Variants in NRCAM observed in about 807,000 individuals in gnomAD.
NRCAM encodes the protein neuronal cell adhesion molecule, also known as NgCAM-related cell adhesion molecule.
Under a neutral mutation model 156.5 loss-of-function variants are expected in NRCAM, and 83 were observed. That is an observed-to-expected ratio of 0.53 (90% CI 0.44 to 0.64). The LOEUF (loss-of-function observed/expected upper bound fraction) is 0.64, where lower values mean the gene tolerates loss of function less well. NRCAM is among the 30% of genes least tolerant of loss of function. NRCAM has a pLI of 0.00. For synonymous variants in NRCAM, 538 were observed against 563.9 expected (o/e 0.95, Z 0.65); for missense variants, 1,417 against 1,597.3 (o/e 0.89, Z 1.92).
intron 1 of NRCAM, among the ~76,000 whole-genome samples, chr7:108,420,284 C>T (rs1402978690): frequency 6.6e-6 from 1 of 152,066 alleles, no homozygotes; most frequent in East Asian, 1.9e-4. Flanking sequence ...CACACAAATC[C>T]TTGCAGACAC....
chr7:108,373,733 G>C (rs2099643823), intron 2 of NRCAM, among the ~76,000 whole-genome samples: 1 of 152,184 alleles, frequency 6.6e-6, no homozygotes, highest in African/African-American at 2.4e-5. Flanking sequence ...TGTGACTTGT[G>C]AACTACAGAG....
chr7:108,207,049 G>C (rs185552893), intron 13 of NRCAM, among the ~76,000 whole-genome samples: 35 of 152,326 alleles, frequency 2.3e-4, no homozygotes, highest in African/African-American at 8.4e-4. Flanking sequence ...TTGGAAGACA[G>C]TGAGAACACC....
At chr7:108,409,345 C>G (rs1792383102) in intron 1 of NRCAM, among the ~76,000 whole-genome samples, 1 of 152,158 alleles carries the variant, frequency 6.6e-6, no homozygotes, top group African/African-American at 2.4e-5. Flanking sequence ...TTCCAATAAC[C>G]AGCTCAATGC....
chr7:108,365,955 C>T (rs1033797029), intron 2 of NRCAM, among the ~76,000 whole-genome samples: 4 of 152,134 alleles, frequency 2.6e-5, no homozygotes, highest in Non-Finnish European at 4.4e-5. Flanking sequence ...AATATGATAG[C>T]GTTATGAGCG....
At chr7:108,287,735 G>GA (rs34947232) in intron 3 of NRCAM, among the ~76,000 whole-genome samples, 550 of 147,944 alleles carry the variant, frequency 3.7e-3, no homozygotes, top group African/African-American at 8.5e-3. Context: ...GAGGATGTGG[G>GA]AAAAAAAAAA....
chr7:108,328,504 T>A (rs962124670), intron 2 of NRCAM: 3 of 152,196 alleles, frequency 2.0e-5, no homozygotes, highest in African/African-American at 7.2e-5. Context: ...TCCCAGCACA[T>A]TTCTGCAGAT....
chr7:108,212,508 G>A (rs2085166219), intron 11 of NRCAM, among the ~76,000 whole-genome samples: 1 of 152,052 alleles, frequency 6.6e-6, no homozygotes, highest in Admixed American at 6.6e-5. Context: ...AATACAAGAA[G>A]CAAAGGGAGA....
At chr7:108,172,212 T>C (rs2058713054) in intron 28 of NRCAM, among the ~76,000 whole-genome samples, 1 of 152,224 alleles carries the variant, frequency 6.6e-6, no homozygotes, top group Non-Finnish European at 1.5e-5. Context: ...AGCCTGCACA[T>C]TTTTGGTTCA....
At chr7:108,175,136 C>A (rs1353001993) in intron 28 of NRCAM, among the ~76,000 whole-genome samples, 186 bp downstream of exon 28, 1 of 152,114 alleles carries the variant, frequency 6.6e-6, no homozygotes, top group East Asian at 1.9e-4. Context: ...TTTGAGAATT[C>A]AATATGTGGC....
intron 2 of NRCAM, among the ~76,000 whole-genome samples, chr7:108,324,161 T>C (rs1256979772): frequency 1.3e-5 from 2 of 151,718 alleles, no homozygotes; most frequent in African/African-American, 4.8e-5. Context: ...TTTTGAAGGG[T>C]GGAATAGGCT....
chr7:108,156,510 G>C, intron 32 of NRCAM: 1 of 725,680 alleles, frequency 1.4e-6, no homozygotes, highest in Non-Finnish European at 1.7e-6. Flanking sequence ...TAACTGCTTG[G>C]GGGTGGGTGT....
intron 3 of NRCAM, among the ~76,000 whole-genome samples, chr7:108,249,064 G>A (rs990595203): frequency 2.6e-5 from 4 of 152,080 alleles, no homozygotes; most frequent in African/African-American, 4.8e-5. Flanking sequence ...TCTATAACTT[G>A]TGCTCCCCGC....
intron 2 of NRCAM, among the ~76,000 whole-genome samples, chr7:108,372,172 A>G (rs2099632609): frequency 6.6e-6 from 1 of 152,172 alleles, no homozygotes; most frequent in Non-Finnish European, 1.5e-5. Flanking sequence ...ACAAATGAAT[A>G]AACCTGGTTT....
At chr7:108,175,854 T>C (rs396136) in intron 27 of NRCAM, among the ~76,000 whole-genome samples, 117,542 of 151,992 alleles carry the variant, frequency 0.77, 46,240 homozygotes, top group East Asian at 0.88. Flanking sequence ...TTCTAAATAC[T>C]ATAATGGGCT....
intron 2 of NRCAM, among the ~76,000 whole-genome samples, chr7:108,350,328 C>G (rs1258602576): frequency 6.6e-6 from 1 of 152,184 alleles, no homozygotes; most frequent in Non-Finnish European, 1.5e-5. Flanking sequence ...CTTCTGGGAA[C>G]AGTGATGGCT....
intron 3 of NRCAM, among the ~76,000 whole-genome samples, chr7:108,285,600 G>A (rs551336987): frequency 2.0e-5 from 3 of 152,286 alleles, no homozygotes; most frequent in South Asian, 2.1e-4. Flanking sequence ...TTGTTTCAGT[G>A]AAACCTTACT....
At chr7:108,453,426 C>G (rs986314018) in intron 1 of NRCAM, among the ~76,000 whole-genome samples, 6 of 152,170 alleles carry the variant, frequency 3.9e-5, no homozygotes, top group Admixed American at 1.3e-4. Context: ...ATTGGCCTCA[C>G]AGGAAGTACT....
chr7:108,203,635 T>G (rs907134731), intron 13 of NRCAM, among the ~76,000 whole-genome samples: 1 of 152,120 alleles, frequency 6.6e-6, no homozygotes, highest in Non-Finnish European at 1.5e-5. Flanking sequence ...TGTCCTTAGG[T>G]GCTCGCCTGC....
At chr7:108,425,608 C>T (rs1816191683) in intron 1 of NRCAM, among the ~76,000 whole-genome samples, 1 of 152,144 alleles carries the variant, frequency 6.6e-6, no homozygotes, top group African/African-American at 2.4e-5. Context: ...CTTTATAGTT[C>T]TTACATATAT....
Sources: gnomAD v4.1 joint callset for allele counts (sites outside exome capture counted in the v4.1 genomes callset) on GRCh38, gnomAD v4.1.1 for gene constraint, MANE v1.5 for transcripts, NCBI Gene and HGNC (gene_info 2026-07-23, HGNC 2026-07-21) for gene names.